LRRC39: variants seen among roughly 807,000 people sequenced by gnomAD.
LRRC39 encodes leucine-rich repeat-containing protein 39.
In LRRC39, 35 loss-of-function variants were observed where a neutral mutation model predicts 39.7. The observed-to-expected ratio is 0.88, with a 90% CI of 0.67 to 1.17. The LOEUF (loss-of-function observed/expected upper bound fraction) is 1.17, where lower values mean the gene tolerates loss of function less well. Among genes scored for constraint, LRRC39 ranks in the 50% most tolerant of loss-of-function variants. LRRC39 has a pLI of 0.00. For synonymous variants in LRRC39, 113 were observed against 134.1 expected, an observed-to-expected ratio of 0.84 and a Z score of 1.09; for missense variants, 357 against 385.8, an observed-to-expected ratio of 0.93 and a Z score of 0.62.
chr1:100,148,788 A>G lies in LRRC39; in HGVS notation c.*254T>C, dbSNP rs1289109629. ...AAATGTTTTGTTAACTGCTTTACCAAATCATTCTTCATCACCAGAAACAAC... is the reference window on the plus strand; with the variant it reads ...AAATGTTTTGTTAACTGCTTTACCAGATCATTCTTCATCACCAGAAACAAC... On this transcript the variant is annotated 3_prime_UTR_variant, in exon 10 of 10. Transcript: ENST00000370137. The G allele has an allele frequency of 1.0e-5, 16 of 1,526,376 alleles. No homozygotes were observed. Among genetic ancestry groups the G allele is most frequent in the Non-Finnish European group, 1.4e-5 (16 of 1,139,696 alleles). The allele number at this position is 1,526,376 out of a possible 1,614,324, so 94.6% of individuals were successfully genotyped here.
rs746545289 is a variant in LRRC39, at chr1:100,159,360, C to A, written c.275G>T (p.Arg92Ile). 5 of 1,612,042 alleles carry A rather than the reference C, an allele frequency of 3.1e-6. No individual in the cohort carries two copies. Among genetic ancestry groups the A allele is most frequent in the Non-Finnish European group, 4.2e-6 (5 of 1,178,992 alleles). ...TTCAGGAATTTTCAGCAAACCAGTT[C>A]TATGAAGTTGCCATTCCTGTAGTTG... ...LNQLQEWQLH[R>I]TGLLKIPEFI... The change falls in exon 5 of 10, where the codon AGA (arginine) becomes ATA (isoleucine). Residue 92 changes from arginine (R) to isoleucine (I), a missense_variant. Coordinates refer to ENST00000370137, the MANE Select transcript of LRRC39 (RefSeq NM_144620.4).
chr1:100,160,699 A>G, intron 3 of LRRC39, 128 bp from the exon 4 acceptor site: 1 of 573,244 alleles, frequency 1.7e-6, no homozygotes. Flanking sequence ...ATCTCGGCCC[A>G]CTGCAACCTC....
chr1:100,158,099 G>A (rs759626648), intron 6 of LRRC39, 132 bp downstream of exon 6: 40 of 973,444 alleles, frequency 4.1e-5, no homozygotes, highest in Non-Finnish European at 5.8e-5. Context: ...TTAAGGAAAT[G>A]GTTTTCTCTA....
intron 7 of LRRC39, 25 bp downstream of exon 7, chr1:100,156,147 T>C (rs1294082670): frequency 6.3e-7 from 1 of 1,591,548 alleles, no homozygotes; most frequent in Non-Finnish European, 8.6e-7. Context: ...CTTTTATCAT[T>C]AGCATAAAGA....
At chr1:100,154,474 T>C (rs1254919074) in intron 8 of LRRC39, among the ~76,000 whole-genome samples, 3 of 152,204 alleles carry the variant, frequency 2.0e-5, no homozygotes, top group African/African-American at 7.2e-5. Flanking sequence ...TGAAACATAA[T>C]AAAGAAAAGA....
intron 9 of LRRC39, among the ~76,000 whole-genome samples, chr1:100,152,027 C>G (rs1291872549): frequency 6.6e-6 from 1 of 151,648 alleles, no homozygotes; most frequent in Admixed American, 6.6e-5. Context: ...ATTTTTTTTT[C>G]TATTTATGGA....
At chr1:100,158,173 T>C (rs2101772908) in intron 6 of LRRC39, 58 bp downstream of exon 6, 1 of 1,551,890 alleles carries the variant, frequency 6.4e-7, no homozygotes, top group East Asian at 2.3e-5. Flanking sequence ...AACCACACAT[T>C]GAGTGGTCAA....
chr1:100,149,022 G>A lies in LRRC39; in HGVS notation c.*20C>T, dbSNP rs745969278. 3 of 1,553,702 alleles carry A rather than the reference G, an allele frequency of 1.9e-6. No homozygotes were observed. Among genetic ancestry groups the A allele is most frequent in the Middle Eastern group, 3.4e-4 (2 of 5,882 alleles). ...GAATTCACCAAAGTAATCCTCTTTA[G>A]AAGGGCATCTTGAATTATATTATCC... On this transcript the variant is annotated 3_prime_UTR_variant, in exon 10 of 10. Coordinates refer to ENST00000370137, the MANE Select transcript of LRRC39 (RefSeq NM_144620.4).
chr1:100,171,347 T>C (rs750519936), intron 2 of LRRC39, among the ~76,000 whole-genome samples: 10 of 152,128 alleles, frequency 6.6e-5, no homozygotes, highest in Non-Finnish European at 1.3e-4. Flanking sequence ...ATTGGGGTCA[T>C]AGAGCAAGTC....
chr1:100,160,442 A>T, intron 4 of LRRC39, 24 bp downstream of exon 4: 1 of 1,592,880 alleles, frequency 6.3e-7, no homozygotes, highest in Non-Finnish European at 8.6e-7. Flanking sequence ...AATGTGGAAA[A>T]TCAAATATTC....
chr1:100,149,345 A>G lies in LRRC39; in HGVS notation c.953-248T>C, dbSNP rs1417507627. 6 of 1,541,708 alleles carry G rather than the reference A, an allele frequency of 3.9e-6. No individual in the cohort carries two copies. In the African/African-American group the frequency reaches 8.3e-5, roughly 21 times the overall value. ...TCAGAGATATTCACAATTAATAAAC[A>G]CAATTAATTAATGAAGTCACCTTCA... On this transcript the variant is annotated intron_variant, in intron 9 of 9. Coordinates refer to ENST00000370137, the MANE Select transcript of LRRC39 (RefSeq NM_144620.4).
At chr1:100,162,905 A>G (rs1422016041) in intron 3 of LRRC39, among the ~76,000 whole-genome samples, 1 of 152,224 alleles carries the variant, frequency 6.6e-6, no homozygotes, top group Non-Finnish European at 1.5e-5. Flanking sequence ...CTGATCTTCA[A>G]TAAGGATTTT....
chr1:100,153,068 CA>C (rs2101764189), intron 8 of LRRC39, among the ~76,000 whole-genome samples: 1 of 152,222 alleles, frequency 6.6e-6, no homozygotes, highest in Non-Finnish European at 1.5e-5. Flanking sequence ...CTTCTAAGAG[CA>C]ATTTTAACAT....
At position 100,148,940 on chromosome 1, in the gene LRRC39, G is replaced by A. The variant is rs1003922447; in HGVS notation, c.*102C>T. The stretch of plus-strand genomic sequence containing the variant: ...AATATGAACTTTAAAAAATGCTGTG[G>A]CCTCATTAAACTTTGGTAATAGCTT... On this transcript the variant is annotated 3_prime_UTR_variant, in exon 10 of 10. Coordinates refer to ENST00000370137, the MANE Select transcript of LRRC39 (RefSeq NM_144620.4). The A allele has an allele frequency of 7.6e-6, 9 of 1,188,706 alleles. No individual in the cohort carries two copies. Among genetic ancestry groups the A allele is most frequent in the Non-Finnish European group, 1.0e-5 (9 of 883,918 alleles). The allele number at this position is 1,188,706 out of a possible 1,614,324, so 73.6% of individuals were successfully genotyped here. A position where few individuals can be genotyped will look rare whatever the true frequency, so the allele number is the denominator to read the frequency against.
chr1:100,149,258 T>G, intron 9 of LRRC39, 161 bp from the exon 10 acceptor site: 1 of 1,515,558 alleles, frequency 6.6e-7, no homozygotes, highest in Non-Finnish European at 8.8e-7. Flanking sequence ...TTGACTTATA[T>G]GTGGACATTT....
chr1:100,172,543 C>T (rs947466823), intron 2 of LRRC39, among the ~76,000 whole-genome samples: 10 of 151,492 alleles, frequency 6.6e-5, no homozygotes, highest in African/African-American at 2.4e-4. Context: ...ACAAAAAAGG[C>T]CAGGCGTGGT....
chr1:100,160,645 G>C, intron 3 of LRRC39, 74 bp from the exon 4 acceptor site: 3 of 1,198,114 alleles, frequency 2.5e-6, no homozygotes, highest in Non-Finnish European at 3.6e-6. Flanking sequence ...TTTTTTGAGA[G>C]AGAGAGTTTC....
chr1:100,153,844 C>G (rs977009437), intron 8 of LRRC39, among the ~76,000 whole-genome samples: 1 of 152,118 alleles, frequency 6.6e-6, no homozygotes, highest in Non-Finnish European at 1.5e-5. Flanking sequence ...CAACCTCGAA[C>G]TCCTGGGCTC....
intron 3 of LRRC39, among the ~76,000 whole-genome samples, chr1:100,164,798 G>A (rs1260352392): frequency 5.9e-5 from 9 of 151,854 alleles, no homozygotes; most frequent in African/African-American, 2.2e-4. Flanking sequence ...GACCTCCAGG[G>A]CACAATTGAT....
Sources: allele counts gnomAD v4.1 joint callset (sites outside exome capture counted in the v4.1 genomes callset), GRCh38; gene constraint gnomAD v4.1.1; transcripts MANE v1.5; gene names NCBI Gene and HGNC (gene_info 2026-07-23, HGNC 2026-07-21).